ZNF253: variants seen among roughly 807,000 people sequenced by gnomAD.
The protein encoded by ZNF253 is DNA-binding protein.
In ZNF253, 8 loss-of-function variants were observed where a neutral mutation model predicts 11.9. The ratio of observed to expected loss-of-function variants is 0.67; its 90% CI spans 0.40 to 1.22. The LOEUF (loss-of-function observed/expected upper bound fraction) is 1.22, where lower values mean the gene tolerates loss of function less well. Ranked by LOEUF, ZNF253 falls within the 50% of genes most tolerant of loss-of-function variation. ZNF253 has a pLI of 0.01. For missense variants in ZNF253, 485 were observed against 586.9 expected (o/e 0.83, Z 1.79); for synonymous variants, 194 against 194.9 (o/e 1.00, Z 0.04).
In ZNF253 at chr19:19,891,828, A is replaced by G; in HGVS notation, c.581A>G (p.His194Arg). ...SSTLTTHKKIHTGEKPYRCEE... is the reference protein window; with the variant it reads ...SSTLTTHKKIRTGEKPYRCEE... The stretch of plus-strand genomic sequence containing the variant: ...ACCCTTACTACACATAAGAAAATTC[A>G]TACTGGAGAGAAACCTTACAGATGT... Residue 194 changes from histidine to arginine, a missense_variant, in exon 4 of 4, where the codon CAT becomes CGT. Physicochemically the swap from His to Arg is conservative, Grantham distance 29 (BLOSUM62 0). This residue lies in a region of ZNF253 where 218 missense variants were observed against 213.1 expected (regional missense o/e 1.02). Coordinates refer to ENST00000589717, the MANE Select transcript of ZNF253 (RefSeq NM_021047.3). The G allele has an allele frequency of 6.2e-7, 1 of 1,614,196 alleles. No homozygotes were observed. Among genetic ancestry groups the G allele is most frequent in the Non-Finnish European group, 8.5e-7 (1 of 1,180,018 alleles).
chr19:19,885,260 TTTC>T lies in ZNF253; in HGVS notation c.226+5117_226+5119del, dbSNP rs1234981439. ...CTTTCTTTCTTTCTTTCTTTCTTTC[TTTC>T]TTTCTTTCTTTCTTTCTTTCTTTCT... On this transcript the variant is annotated intron_variant, in intron 3 of 3. Transcript: ENST00000589717. Among the ~76,000 whole-genome samples, 20 of 68,002 alleles carry T rather than the reference TTTC, an allele frequency of 2.9e-4. 1 individual carries two copies. In the African/African-American group the frequency reaches 3.6e-3, roughly 12 times the overall value. 44.6% of individuals were successfully genotyped at this position (68,002 alleles called of 152,430 possible).
chr19:19,891,954 C>A lies in ZNF253; in HGVS notation c.707C>A (p.Ala236Asp). The change falls in exon 4 of 4, where the codon GCC (alanine) becomes GAC (aspartate). Residue 236 changes from alanine (A) to aspartate (D), a missense_variant. This residue lies in a region of ZNF253 where 232 missense variants were observed against 321.4 expected (regional missense o/e 0.72). Transcript: ENST00000589717. ...KPYRCEECGK[A>D]FKQSSNLTTH... Reference sequence around the variant, plus strand: ...TACAGATGTGAAGAATGTGGCAAAGCCTTTAAGCAGTCCTCAAACCTTACT... The same window carrying A: ...TACAGATGTGAAGAATGTGGCAAAGACTTTAAGCAGTCCTCAAACCTTACT... 1 of 1,613,840 alleles carries A rather than the reference C, an allele frequency of 6.2e-7. No individual in the cohort carries two copies. The highest frequency in any genetic ancestry group is 8.5e-7 in the Non-Finnish European group (1 of 1,179,980).
At position 19,892,095 on chromosome 19, in the gene ZNF253, C is replaced by G. The variant is rs778347541; in HGVS notation, c.848C>G (p.Pro283Arg). Residue 283 changes from proline (P) to arginine (R), a missense_variant, in exon 4 of 4, where the codon CCC becomes CGC. Around this residue, in one of 3 missense-constraint regions of ZNF253, gnomAD observed 232 missense variants for 321.4 expected, o/e 0.72. Transcript: ENST00000589717. The part of the protein sequence containing the change: ...THKIVHTGEK[P>R]YKCEECGKAF... The stretch of plus-strand genomic sequence containing the variant: ...AAGATAGTTCATACTGGAGAGAAAC[C>G]CTACAAATGTGAAGAATGTGGCAAA... 51 of 1,613,884 alleles carry G rather than the reference C, an allele frequency of 3.2e-5. No homozygotes were observed. In the Admixed American group the frequency reaches 8.5e-4, roughly 27 times the overall value.
intron 1 of ZNF253, chr19:19,870,768 C>G (rs1359639624): frequency 6.6e-6 from 1 of 152,022 alleles, no homozygotes; most frequent in African/African-American, 2.4e-5. Context: ...ATATAGAACC[C>G]CCATTCAGTG....
intron 2 of ZNF253, among the ~76,000 whole-genome samples, chr19:19,879,376 C>G (rs1194932694): frequency 6.6e-6 from 1 of 151,924 alleles, no homozygotes; most frequent in Admixed American, 6.6e-5. Flanking sequence ...CTCTGAACCC[C>G]CACCTTATTT....
At chr19:19,884,850 TTTTG>T (rs1393456529) in intron 3 of ZNF253, among the ~76,000 whole-genome samples, 9 of 152,276 alleles carry the variant, frequency 5.9e-5, no homozygotes, top group East Asian at 1.9e-4. Context: ...TATGAGGTGA[TTTTG>T]TTTGTTATGT....
At position 19,866,053 on chromosome 19, in the gene ZNF253, G is replaced by T. The variant is rs1490413294; in HGVS notation, c.3+54G>T. On this transcript the variant is annotated intron_variant, in intron 1 of 3. Coordinates refer to ENST00000589717, the MANE Select transcript of ZNF253 (RefSeq NM_021047.3). ...AGGGGAGAGGCTGTTTGGAACGGTG[G>T]GAAGTGGCTCTGGCGGGACTCTGCT... 6 of 1,613,088 alleles carry T rather than the reference G, an allele frequency of 3.7e-6. No individual in the cohort carries two copies. The East Asian group carries it at 1.1e-4, about 30-fold the overall frequency.
intron 3 of ZNF253, 104 bp from the exon 4 acceptor site, chr19:19,891,370 G>A: frequency 1.0e-6 from 1 of 955,034 alleles, no homozygotes; most frequent in East Asian, 2.7e-5. Flanking sequence ...ATTTTGCTAT[G>A]TCATCTTGCT....
At position 19,885,280 on chromosome 19, in the gene ZNF253, T is replaced by C. The variant is rs1273261990; in HGVS notation, c.226+5134T>C. On this transcript the variant is annotated intron_variant, in intron 3 of 3. Transcript: ENST00000589717. ...CTTTCTTTCTTTCTTTCTTTCTTTCTTTCTTTCTTTCTCTTTCTTTTCTTT... is the reference window on the plus strand; with the variant it reads ...CTTTCTTTCTTTCTTTCTTTCTTTCCTTCTTTCTTTCTCTTTCTTTTCTTT... Among the ~76,000 whole-genome samples the C allele has an allele frequency of 1.3e-3, 49 of 38,868 alleles. 7 individuals are homozygous for C. The African/African-American group carries it at 0.015, about 12-fold the overall frequency. 25.5% of individuals were successfully genotyped at this position (38,868 alleles called of 152,430 possible). A position where few individuals can be genotyped will look rare whatever the true frequency, so the allele number is the denominator to read the frequency against.
At chr19:19,890,497 T>TG (rs1491431303) in intron 3 of ZNF253, among the ~76,000 whole-genome samples, 258 of 141,482 alleles carry the variant, frequency 1.8e-3, no homozygotes, top group African/African-American at 6.8e-3. Context: ...GCAATTTATA[T>TG]TTGTGTGTGT....
intron 1 of ZNF253, among the ~76,000 whole-genome samples, chr19:19,874,780 T>C (rs935852671): frequency 6.6e-6 from 1 of 151,580 alleles, no homozygotes; most frequent in Non-Finnish European, 1.5e-5. Context: ...GGCGTGGTGG[T>C]GGGCGCCTGT....
rs1568499100 is a variant in ZNF253 at position 19,885,306 on chromosome 19, CTTT to C, written c.226+5161_226+5163del. ...TTCTTTCTTTCTCTTTCTTTTCTTT[CTTT>C]CTTTCTTTCTTTCTTTCTTTCTTTC... On this transcript the variant is annotated intron_variant, in intron 3 of 3. Coordinates refer to ENST00000589717, the MANE Select transcript of ZNF253 (RefSeq NM_021047.3). Among the ~76,000 whole-genome samples the C allele has an allele frequency of 9.5e-4, 38 of 40,102 alleles. 5 individuals carry two copies. The African/African-American group carries it at 0.01, about 11-fold the overall frequency. The allele number at this position is 40,102 out of a possible 152,430, so 26.3% of individuals were successfully genotyped here. A position where few individuals can be genotyped will look rare whatever the true frequency, so the allele number is the denominator to read the frequency against.
chr19:19,891,121 T>TGA (rs2063227628), intron 3 of ZNF253, among the ~76,000 whole-genome samples: 1 of 152,110 alleles, frequency 6.6e-6, no homozygotes, highest in Non-Finnish European at 1.5e-5. Flanking sequence ...ATTACAGGCG[T>TGA]GAGCCACCAT....
chr19:19,892,400 T>TC lies in ZNF253; in HGVS notation c.1154dup (p.His386ThrfsTer2), dbSNP rs1266610547. The stretch of plus-strand genomic sequence containing the variant: ...TTTTAACCATTCCACAACCCTTTTT[T>TC]CACATGAGAAAATTCATACTGGAGA... On this transcript the variant is annotated frameshift_variant, in exon 4 of 4. Transcript: ENST00000589717. LOFTEE classifies it low-confidence loss of function (END_TRUNC). 1 of 1,608,300 alleles carries TC rather than the reference T, an allele frequency of 6.2e-7. No individual in the cohort carries two copies. Among genetic ancestry groups the TC allele is most frequent in the African/African-American group, 1.4e-5 (1 of 73,092 alleles).
chr19:19,893,843 T>C lies in ZNF253; in HGVS notation c.*1096T>C, dbSNP rs1241395562. 2.0e-5 allele frequency: 3 copies of C among 152,192 alleles called. No individual in the cohort carries two copies. Among genetic ancestry groups the C allele is most frequent in the Non-Finnish European group, 4.4e-5 (3 of 68,036 alleles). 9.4% of individuals were successfully genotyped at this position (152,192 alleles called of 1,614,324 possible). On this transcript the variant is annotated 3_prime_UTR_variant, in exon 4 of 4. Coordinates refer to ENST00000589717, the MANE Select transcript of ZNF253 (RefSeq NM_021047.3). Reference sequence around the variant, plus strand: ...TGTGTCACAGATCTTAGTGCACACATGTAGTACTAGAGGAAAACCCTGAAG... The same window carrying C: ...TGTGTCACAGATCTTAGTGCACACACGTAGTACTAGAGGAAAACCCTGAAG...
At chr19:19,877,689 C>G (rs1054439304) in intron 1 of ZNF253, among the ~76,000 whole-genome samples, 1 of 152,100 alleles carries the variant, frequency 6.6e-6, no homozygotes, top group Non-Finnish European at 1.5e-5. Context: ...CTGTGTTCTT[C>G]TGTGTGAATT....
At chr19:19,880,503 G>A (rs1048690929) in intron 3 of ZNF253, among the ~76,000 whole-genome samples, 6 of 151,958 alleles carry the variant, frequency 3.9e-5, no homozygotes, top group African/African-American at 9.7e-5. Context: ...TCAGAAGTTC[G>A]TGATTAGCCT....
intron 2 of ZNF253, 113 bp downstream of exon 2, chr19:19,878,720 T>A: frequency 8.3e-7 from 1 of 1,209,526 alleles, no homozygotes; most frequent in Non-Finnish European, 1.1e-6. Context: ...ATTACAGGCA[T>A]AAGCCACTGC....
At chr19:19,875,425 GTC>G (rs1392607098) in intron 1 of ZNF253, among the ~76,000 whole-genome samples, 6 of 150,142 alleles carry the variant, frequency 4.0e-5, no homozygotes, top group African/African-American at 1.5e-4. Context: ...GAGATGGAGT[GTC>G]TCTCTGTCGC....
Sources: allele counts gnomAD v4.1 joint callset (sites outside exome capture counted in the v4.1 genomes callset), GRCh38; gene constraint gnomAD v4.1.1; regional missense constraint gnomAD v4.1.1; transcripts MANE v1.5; gene names NCBI Gene and HGNC (gene_info 2026-07-23, HGNC 2026-07-21).